PRKCH: variants seen among roughly 807,000 people sequenced by gnomAD.
PRKCH encodes protein kinase C eta.
PRKCH carries 28 observed loss-of-function variants against 82.5 expected under a neutral mutation model. The ratio of observed to expected loss-of-function variants is 0.34; its 90% CI spans 0.25 to 0.47. The LOEUF is 0.47. PRKCH is among the 20% of genes least tolerant of loss of function. The pLI is 1.00. For missense variants in PRKCH, 705 were observed against 881.8 expected (o/e 0.80, Z 2.54); for synonymous variants, 322 against 327.4 (o/e 0.98, Z 0.18).
chr14:61,465,183 C>T (rs1251968863), intron 9 of PRKCH, among the ~76,000 whole-genome samples: 1 of 152,224 alleles, frequency 6.6e-6, no homozygotes, highest in Non-Finnish European at 1.5e-5. Flanking sequence ...GTTGTCTCTT[C>T]ACTCTGTTGA....
chr14:61,538,957 A>G (rs913556827), intron 12 of PRKCH, among the ~76,000 whole-genome samples: 2 of 152,194 alleles, frequency 1.3e-5, no homozygotes, highest in Non-Finnish European at 2.9e-5. Context: ...CAGTAGCTAC[A>G]TTTGGGGAAT....
chr14:61,536,310 C>G (rs796825791), intron 12 of PRKCH, among the ~76,000 whole-genome samples: 4 of 152,258 alleles, frequency 2.6e-5, no homozygotes, highest in African/African-American at 9.6e-5. Flanking sequence ...AAGGGTACCC[C>G]AAAGAAGCAT....
At chr14:61,213,670 G>C (rs905151587) in intron 1 of PRKCH, among the ~76,000 whole-genome samples, 5 of 152,190 alleles carry the variant, frequency 3.3e-5, no homozygotes, top group African/African-American at 1.2e-4. Flanking sequence ...CTGGCCAAAG[G>C]CATTCTGGGT....
intron 10 of PRKCH, among the ~76,000 whole-genome samples, chr14:61,506,672 A>G (rs1887165140): frequency 6.6e-6 from 1 of 152,192 alleles, no homozygotes; most frequent in African/African-American, 2.4e-5. Flanking sequence ...AAAAATGCTA[A>G]GAAGCAGGGA....
chr14:61,203,455 G>T (rs1418214545), intron 1 of PRKCH, among the ~76,000 whole-genome samples: 2 of 152,038 alleles, frequency 1.3e-5, no homozygotes, highest in Non-Finnish European at 2.9e-5. Flanking sequence ...GGGGCTTGGG[G>T]GGTACTCAAA....
intron 2 of PRKCH, among the ~76,000 whole-genome samples, chr14:61,431,336 A>G (rs2140260137): frequency 6.6e-6 from 1 of 152,346 alleles, no homozygotes; most frequent in South Asian, 2.1e-4. Flanking sequence ...CCATTGTGTA[A>G]AAATCCCAAG....
chr14:61,436,064 T>C (rs1167004934), intron 2 of PRKCH, among the ~76,000 whole-genome samples: 3 of 152,150 alleles, frequency 2.0e-5, no homozygotes, highest in South Asian at 2.1e-4. Flanking sequence ...TCTCCTCCCA[T>C]CCTGATGTGG....
intron 1 of PRKCH, among the ~76,000 whole-genome samples, chr14:61,330,533 C>G (rs1470320829): frequency 6.6e-6 from 1 of 152,140 alleles, no homozygotes; most frequent in South Asian, 2.1e-4. Flanking sequence ...TTGTATAGAT[C>G]ATAAAATAAT....
At chr14:61,416,053 CTTTTTTTTTTTTTT>C (rs71117815) in intron 2 of PRKCH, among the ~76,000 whole-genome samples, 3 of 94,186 alleles carry the variant, frequency 3.2e-5, no homozygotes, top group African/African-American at 4.2e-5. Flanking sequence ...CTTTTCTTTT[CTTTTTTTTTTTTTT>C]TTTTTTTGAG....
intron 2 of PRKCH, among the ~76,000 whole-genome samples, chr14:61,396,776 T>G (rs1385921267): frequency 6.6e-6 from 1 of 151,630 alleles, no homozygotes; most frequent in African/African-American, 2.4e-5. Context: ...GGTGTGGAGG[T>G]GCTGAAGATT....
At chr14:61,448,204 G>A (rs764189802) in intron 4 of PRKCH, among the ~76,000 whole-genome samples, 1 of 152,190 alleles carries the variant, frequency 6.6e-6, no homozygotes, top group South Asian at 2.1e-4. Context: ...TTTAAGGTAT[G>A]ATGCTATTTA....
intron 1 of PRKCH, among the ~76,000 whole-genome samples, chr14:61,333,610 C>T (rs939196199): frequency 6.6e-6 from 1 of 151,406 alleles, no homozygotes; most frequent in Admixed American, 6.6e-5. Flanking sequence ...AGATGATGAC[C>T]CATTTTAGGA....
chr14:61,481,990 C>CTTTT (rs35134897), intron 9 of PRKCH, among the ~76,000 whole-genome samples: 19 of 101,074 alleles, frequency 1.9e-4, no homozygotes, highest in South Asian at 3.5e-4. Context: ...TTTCCTTTTC[C>CTTTT]TTTTTTTTTT....
At chr14:61,503,534 C>T (rs1251251962) in intron 10 of PRKCH, among the ~76,000 whole-genome samples, 1 of 152,138 alleles carries the variant, frequency 6.6e-6, no homozygotes, top group African/African-American at 2.4e-5. Flanking sequence ...GGACTCTGTT[C>T]TCAACAGCTT....
Position 61,280,312 on chromosome 14 carries a change from G to T in PRKCH, c.-19+92644G>T. ...GATGTTGACGCGGTAGGCGCCCCGC[G>T]GCAGCCCGGCCGAGTAGTTGCCCTG... is the stretch of plus-strand genomic sequence containing the variant. On this transcript the variant is annotated intron_variant, in intron 1 of 3. Coordinates refer to the PRKCH transcript ENST00000555185. The surrounding 1 kb of genome is among the most constrained non-coding windows in gnomAD (Gnocchi z 5.0). 6.2e-7 allele frequency: 1 copy of T among 1,613,904 alleles called. No individual in the cohort carries two copies. Among genetic ancestry groups the T allele is most frequent in the East Asian group, 2.2e-5 (1 of 44,878 alleles).
At chr14:61,342,710 T>C (rs1174783007) in intron 1 of PRKCH, among the ~76,000 whole-genome samples, 1 of 152,210 alleles carries the variant, frequency 6.6e-6, no homozygotes, top group East Asian at 1.9e-4. Context: ...TCACTGAAAA[T>C]GCAACAGATC....
At chr14:61,497,036 G>A (rs1037553768) in intron 10 of PRKCH, among the ~76,000 whole-genome samples, 10 of 152,150 alleles carry the variant, frequency 6.6e-5, no homozygotes, top group East Asian at 1.9e-4. Context: ...CTGATTGACC[G>A]AAAAGGATGT....
intron 1 of PRKCH, among the ~76,000 whole-genome samples, chr14:61,265,869 A>G (rs2045095084): frequency 1.3e-5 from 2 of 152,134 alleles, no homozygotes; most frequent in Admixed American, 1.3e-4. Flanking sequence ...ATGAGGTAGG[A>G]GGATCACTAG....
intron 2 of PRKCH, among the ~76,000 whole-genome samples, chr14:61,392,710 G>T (rs768573016): frequency 5.3e-5 from 8 of 152,064 alleles, no homozygotes; most frequent in Non-Finnish European, 7.4e-5. Context: ...TTTCTTAATG[G>T]TGTCTTTGAG....
Sources: allele counts gnomAD v4.1 joint callset (sites outside exome capture counted in the v4.1 genomes callset), GRCh38; gene constraint gnomAD v4.1.1; non-coding constraint Gnocchi (gnomAD v3.1); transcripts MANE v1.5; gene names NCBI Gene and HGNC (gene_info 2026-07-23, HGNC 2026-07-21).